The following KDM2A variants were observed in gnomAD, a reference collection of about 807,000 sequenced individuals.
KDM2A encodes the protein lysine demethylase 2A.
A neutral mutation model predicts 137.3 loss-of-function variants in KDM2A; 3 were observed. That is an observed-to-expected ratio of 0.02 (90% CI 0.01 to 0.06). KDM2A has a LOEUF of 0.06. Ranked by LOEUF, KDM2A falls within the 10% of genes least tolerant of loss-of-function variation. The probability of loss-of-function intolerance (pLI) is 1.00; values close to 1 mark genes in which losing one functional copy is unlikely to be tolerated. For missense variants in KDM2A, 738 were observed against 1,510.6 expected, an observed-to-expected ratio of 0.49 and a Z score of 8.48; for synonymous variants, 512 against 541.5, an observed-to-expected ratio of 0.95 and a Z score of 0.76.
At chr11:67,155,411 C>T (rs546725399) in intron 2 of KDM2A, among the ~76,000 whole-genome samples, 4 of 151,414 alleles carry the variant, frequency 2.6e-5, no homozygotes, top group Admixed American at 2.0e-4. Flanking sequence ...TAGGCTCAAG[C>T]GATTATCCTG....
rs1372375495 is a variant in KDM2A, at chr11:67,167,236, G to C, written c.43-12843G>C. 2.6e-5 allele frequency among the ~76,000 whole-genome samples: 4 copies of C among 152,168 alleles called. No individual in the cohort carries two copies. In the East Asian group the frequency reaches 5.8e-4, roughly 22 times the overall value. ...TTGCTTCTCTTCAAGATGATGTTGA[G>C]ATGCCTTATCCTCATCTTGAATTGA... On this transcript the variant is annotated intron_variant, in intron 2 of 20. Transcript: ENST00000529006.
intron 2 of KDM2A, among the ~76,000 whole-genome samples, chr11:67,128,164 G>A (rs1855774123): frequency 6.6e-6 from 1 of 151,758 alleles, no homozygotes; most frequent in South Asian, 2.1e-4. Context: ...CACCACACCT[G>A]GCTTATTTTT....
rs1267710037 is a variant in KDM2A, at chr11:67,133,927, C to T, written c.42+12569C>T. Among the ~76,000 whole-genome samples the T allele has an allele frequency of 1.5e-4, 22 of 143,044 alleles. 2 individuals are homozygous for T. The South Asian group carries it at 4.6e-3, about 30-fold the overall frequency. 93.8% of individuals were successfully genotyped at this position (143,044 alleles called of 152,430 possible). ...CAGAGTGGTCTCAAACTCCTGACCT[C>T]GTGATCCTCCCACCTCGGCCTCCCA... On this transcript the variant is annotated intron_variant, in intron 2 of 20. Coordinates refer to ENST00000529006, the MANE Select transcript of KDM2A (RefSeq NM_012308.3).
chr11:67,163,307 G>A (rs1856673828), intron 2 of KDM2A, among the ~76,000 whole-genome samples: 1 of 152,140 alleles, frequency 6.6e-6, no homozygotes, highest in Non-Finnish European at 1.5e-5. Flanking sequence ...ATCGGTGGCA[G>A]GATACAGTTG....
intron 2 of KDM2A, among the ~76,000 whole-genome samples, chr11:67,151,440 G>A (rs1160125423): frequency 1.3e-5 from 2 of 151,862 alleles, no homozygotes; most frequent in Non-Finnish European, 2.9e-5. Flanking sequence ...GAGTGCAATG[G>A]TGCCATCTCT....
intron 2 of KDM2A, among the ~76,000 whole-genome samples, chr11:67,154,168 A>G (rs1856464403): frequency 1.3e-5 from 2 of 152,336 alleles, no homozygotes; most frequent in East Asian, 1.9e-4. Flanking sequence ...CACTCAGTGT[A>G]TTAATAGAAT....
intron 5 of KDM2A, among the ~76,000 whole-genome samples, chr11:67,188,645 T>A (rs1311145663): frequency 6.6e-6 from 1 of 150,908 alleles, no homozygotes; most frequent in East Asian, 2.0e-4. Flanking sequence ...ATAAAAATAA[T>A]CCAAGCATGG....
chr11:67,143,164 G>A (rs1202813576), intron 2 of KDM2A: 3 of 151,772 alleles, frequency 2.0e-5, no homozygotes, highest in African/African-American at 7.3e-5. Context: ...TGGGATGACA[G>A]GCATACACCA....
At chr11:67,139,250 T>C (rs924114717) in intron 2 of KDM2A, among the ~76,000 whole-genome samples, 53 of 150,862 alleles carry the variant, frequency 3.5e-4, no homozygotes, top group Non-Finnish European at 5.6e-4. Context: ...TTTCCTTTTT[T>C]CTTTTTTCTT....
chr11:67,147,489 CCGAGAT>C (rs1404807542), intron 2 of KDM2A, among the ~76,000 whole-genome samples: 1 of 150,840 alleles, frequency 6.6e-6, no homozygotes, highest in Non-Finnish European at 1.5e-5. Context: ...TTGCAGTGAG[CCGAGAT>C]CGCGCCACTG....
At chr11:67,172,462 T>C (rs894592867) in intron 2 of KDM2A, among the ~76,000 whole-genome samples, 4 of 152,202 alleles carry the variant, frequency 2.6e-5, no homozygotes, top group African/African-American at 9.7e-5. Flanking sequence ...AACAATGCTT[T>C]GTAGCTTTCT....
At chr11:67,201,209 T>C (rs1443353541) in intron 5 of KDM2A, among the ~76,000 whole-genome samples, 1 of 44,922 alleles carries the variant, frequency 2.2e-5, no homozygotes, top group Non-Finnish European at 4.6e-5. Flanking sequence ...AAAAAATATA[T>C]ATATATATAT....
Position 67,181,298 on chromosome 11 carries a change from T to A in KDM2A, c.182-22T>A, listed in dbSNP as rs748659600. The A allele has an allele frequency of 4.6e-6, 7 of 1,523,440 alleles. No homozygotes were observed. In the Admixed American group the frequency reaches 1.2e-4, roughly 26 times the overall value. 94.4% of individuals were successfully genotyped at this position (1,523,440 alleles called of 1,614,324 possible). ...TTTTTAATTATACCACTTATCTTTC[T>A]AATATTTTCCTATGGTGACAGATTT... On this transcript the variant is annotated intron_variant, in intron 3 of 20. Transcript: ENST00000529006.
chr11:67,135,078 T>C (rs1412985774), intron 2 of KDM2A, among the ~76,000 whole-genome samples: 4 of 152,106 alleles, frequency 2.6e-5, no homozygotes, highest in East Asian at 1.9e-4. Flanking sequence ...TTTTTTTTTT[T>C]TCCCCCTGAG....
chr11:67,150,644 A>G (rs1468549346), intron 2 of KDM2A, among the ~76,000 whole-genome samples: 1 of 152,154 alleles, frequency 6.6e-6, no homozygotes, highest in Admixed American at 6.6e-5. Flanking sequence ...GGAGGGATCT[A>G]AGAGTTGGAG....
intron 2 of KDM2A, among the ~76,000 whole-genome samples, chr11:67,128,034 A>C (rs1449103020): frequency 5.5e-5 from 2 of 36,430 alleles, no homozygotes; most frequent in Non-Finnish European, 1.2e-4. Context: ...TTTTTTTTTT[A>C]GGCGGGGTCT....
chr11:67,213,289 G>A (rs2136391288), intron 6 of KDM2A, among the ~76,000 whole-genome samples: 1 of 152,308 alleles, frequency 6.6e-6, no homozygotes, highest in East Asian at 1.9e-4. Context: ...ATAACCATAA[G>A]TTAGATATTT....
At chr11:67,207,742 G>C in intron 6 of KDM2A, 54 bp downstream of exon 6, 1 of 1,402,532 alleles carries the variant, frequency 7.1e-7, no homozygotes, top group Non-Finnish European at 9.6e-7. Context: ...GGTTGTTTTC[G>C]GCTGGACGTT....
intron 9 of KDM2A, 63 bp from the exon 10 acceptor site, chr11:67,219,225 C>A (rs1201282178): frequency 2.7e-5 from 20 of 742,206 alleles, no homozygotes; most frequent in Non-Finnish European, 4.3e-5. Context: ...TGTACTAGTT[C>A]TCTGAGAGAG....
Sources: allele counts gnomAD v4.1 joint callset (sites outside exome capture counted in the v4.1 genomes callset), GRCh38; gene constraint gnomAD v4.1.1; transcripts MANE v1.5; gene names NCBI Gene and HGNC (gene_info 2026-07-23, HGNC 2026-07-21).